The following LRBA variants were observed in gnomAD, a reference collection of about 807,000 sequenced individuals.
The protein encoded by LRBA is LPS responsive beige-like anchor protein, also known as lipopolysaccharide-responsive and beige-like anchor protein.
A neutral mutation model predicts 330.0 loss-of-function variants in LRBA; 176 were observed. The ratio of observed to expected loss-of-function variants is 0.53; its 90% CI spans 0.47 to 0.60. LRBA has a LOEUF of 0.60. Among genes scored for constraint, LRBA ranks in the 20% least tolerant of loss-of-function variants. The pLI is 0.00. For synonymous variants in LRBA, 1,230 were observed against 1,193.0 expected (o/e 1.03, Z -0.64); for missense variants, 3,259 against 3,444.8 (o/e 0.95, Z 1.35).
intron 33 of LRBA, among the ~76,000 whole-genome samples, chr4:150,803,079 T>TACACAC (rs1203657007): frequency 9.2e-6 from 1 of 108,218 alleles, no homozygotes; most frequent in African/African-American, 4.0e-5. Flanking sequence ...AAAAAAAATA[T>TACACAC]ATATACACAC....
intron 47 of LRBA, among the ~76,000 whole-genome samples, chr4:150,386,436 G>A (rs1384909169): frequency 8.9e-6 from 1 of 112,288 alleles, no homozygotes; most frequent in Non-Finnish European, 1.7e-5. Context: ...CCCTCCAAGA[G>A]GCCCCAGTGT....
chr4:150,850,653 G>T, intron 24 of LRBA, 71 bp downstream of exon 24: 1 of 916,426 alleles, frequency 1.1e-6, no homozygotes, highest in Non-Finnish European at 1.6e-6. Context: ...ATTACAAACT[G>T]TTTCTATGGA....
At chr4:150,602,563 C>T (rs531638179) in intron 37 of LRBA, among the ~76,000 whole-genome samples, 7 of 152,232 alleles carry the variant, frequency 4.6e-5, no homozygotes, top group South Asian at 2.1e-4. Context: ...CTCAGTATAA[C>T]GCTCTACCAC....
At chr4:150,909,897 T>C (rs1160889011) in intron 9 of LRBA, among the ~76,000 whole-genome samples, 2 of 152,206 alleles carry the variant, frequency 1.3e-5, no homozygotes, top group East Asian at 1.9e-4. Context: ...AATTAGCATT[T>C]TTCTAATGTC....
intron 44 of LRBA, among the ~76,000 whole-genome samples, chr4:150,458,132 A>G (rs1754315909): frequency 6.6e-6 from 1 of 151,878 alleles, no homozygotes. Flanking sequence ...TCATTCAAAA[A>G]CTTCTATTAG....
chr4:150,395,039 T>G (rs1341163860), intron 47 of LRBA, among the ~76,000 whole-genome samples: 1 of 152,142 alleles, frequency 6.6e-6, no homozygotes, highest in Admixed American at 6.6e-5. Flanking sequence ...ATAGTTCATA[T>G]AAGAGATAAG....
In LRBA at chr4:150,870,340, T is replaced by C. The variant is rs960352186; in HGVS notation, c.2449+185A>G. ...AAACCTTTATATAAGAATTTCCACA[T>C]AACTTAAGGTTGATTCGAAGGAATA... On this transcript the variant is annotated intron_variant, in intron 20 of 56. Coordinates refer to ENST00000651943, the MANE Select transcript of LRBA (RefSeq NM_001364905.1). Among the ~76,000 whole-genome samples the C allele has an allele frequency of 9.9e-5, 15 of 152,184 alleles. 1 individual carries two copies. The highest frequency in any genetic ancestry group is 1.9e-4 in the Non-Finnish European group (13 of 68,024).
At chr4:150,843,036 A>G (rs1398999472) in intron 28 of LRBA, among the ~76,000 whole-genome samples, 3 of 152,172 alleles carry the variant, frequency 2.0e-5, no homozygotes, top group South Asian at 2.1e-4. Flanking sequence ...TCGTGCTCCT[A>G]TGAGAGTCTA....
At chr4:150,952,826 A>C (rs1276774730) in intron 2 of LRBA, among the ~76,000 whole-genome samples, 2 of 152,136 alleles carry the variant, frequency 1.3e-5, no homozygotes, top group Non-Finnish European at 2.9e-5. Context: ...GCACAGACGG[A>C]AGCATGGGCC....
At chr4:150,414,833 C>G (rs1292730564) in intron 47 of LRBA, among the ~76,000 whole-genome samples, 1 of 152,126 alleles carries the variant, frequency 6.6e-6, no homozygotes, top group Non-Finnish European at 1.5e-5. Context: ...TCCCTGATTC[C>G]AAACTTCTGT....
intron 37 of LRBA, among the ~76,000 whole-genome samples, chr4:150,604,807 A>C (rs1376805661): frequency 6.6e-6 from 1 of 152,060 alleles, no homozygotes; most frequent in Admixed American, 6.6e-5. Flanking sequence ...CACATCCCCC[A>C]GTTCCCCTGC....
chr4:150,424,602 AG>A (rs566099677), intron 46 of LRBA, among the ~76,000 whole-genome samples: 508 of 152,176 alleles, frequency 3.3e-3, no homozygotes, highest in African/African-American at 0.011. Flanking sequence ...ATCCCATAGC[AG>A]GGAGCACGTG....
chr4:150,508,881 T>C (rs953340455), intron 40 of LRBA, among the ~76,000 whole-genome samples: 2 of 152,210 alleles, frequency 1.3e-5, no homozygotes, highest in South Asian at 2.1e-4. Flanking sequence ...CTGACATTTA[T>C]AGAACAGTCC....
chr4:150,899,259 C>T (rs1410602942), intron 14 of LRBA, among the ~76,000 whole-genome samples: 1 of 152,174 alleles, frequency 6.6e-6, no homozygotes, highest in African/African-American at 2.4e-5. Context: ...TGCTCTTACA[C>T]TGAATTTAAG....
chr4:150,839,837 G>A (rs1202748385), intron 28 of LRBA, among the ~76,000 whole-genome samples: 6 of 151,612 alleles, frequency 4.0e-5, no homozygotes, highest in African/African-American at 1.2e-4. Flanking sequence ...GGATACATAT[G>A]TAACAAACCT....
chr4:150,359,113 G>C (rs1351167730), intron 47 of LRBA, among the ~76,000 whole-genome samples: 1 of 152,154 alleles, frequency 6.6e-6, no homozygotes, highest in Non-Finnish European at 1.5e-5. Flanking sequence ...ATTAAGTTCT[G>C]CCAGAGAATC....
rs540481555 is a variant in LRBA, at chr4:150,465,681, C to A, written c.6780+1992G>T. Among the ~76,000 whole-genome samples, 3 of 152,140 alleles carry A rather than the reference C, an allele frequency of 2.0e-5. No individual in the cohort carries two copies. The East Asian group carries it at 5.8e-4, about 29-fold the overall frequency. The stretch of plus-strand genomic sequence containing the variant: ...GGAGAAATGTCTATCAGGTTCTTTA[C>A]CCATTTTTGAATGTTGTTGAGTTTT... On this transcript the variant is annotated intron_variant, in intron 44 of 56. Coordinates refer to ENST00000651943, the MANE Select transcript of LRBA (RefSeq NM_001364905.1).
intron 36 of LRBA, among the ~76,000 whole-genome samples, chr4:150,695,317 A>C (rs1400620971): frequency 6.6e-6 from 1 of 152,058 alleles, no homozygotes; most frequent in African/African-American, 2.4e-5. Context: ...GATTCGACCA[A>C]ATTTTTTGTT....
chr4:150,534,869 T>A (rs1764477440), intron 40 of LRBA, among the ~76,000 whole-genome samples: 2 of 152,172 alleles, frequency 1.3e-5, no homozygotes, highest in Admixed American at 1.3e-4. Context: ...GGCAGATTAG[T>A]TGCTTAATGA....
Sources: allele counts gnomAD v4.1 joint callset (sites outside exome capture counted in the v4.1 genomes callset), GRCh38; gene constraint gnomAD v4.1.1; transcripts MANE v1.5; gene names NCBI Gene and HGNC (gene_info 2026-07-23, HGNC 2026-07-21).